Variants in PRDM13 observed in about 807,000 individuals in gnomAD.
The protein encoded by PRDM13 is PR/SET domain 13.
PRDM13 carries 15 observed loss-of-function variants against 36.4 expected under a neutral mutation model. The ratio of observed to expected loss-of-function variants is 0.41; its 90% confidence interval spans 0.28 to 0.64. The LOEUF is 0.64. Among genes scored for constraint, PRDM13 ranks in the 30% least tolerant of loss-of-function variants. The pLI, the probability that PRDM13 is intolerant of heterozygous loss-of-function variation, is 0.29. For synonymous variants in PRDM13, 531 were observed against 467.7 expected, an observed-to-expected ratio of 1.14 and a Z score of -1.75; for missense variants, 1,044 against 1,013.5, an observed-to-expected ratio of 1.03 and a Z score of -0.41.
At position 99,613,766 on chromosome 6, in the gene PRDM13, G is replaced by GCCA. The variant is rs2114500530; in HGVS notation, c.1133_1134insACC (p.Pro378dup). ...CTGGGGACCCGCCGCCGCCGCCGCC[G>GCCA]CCTGGCCTGCCCTGCTCTGGGGCCC... On this transcript the variant is annotated inframe_insertion, in exon 4 of 4. Coordinates refer to ENST00000369215, the MANE Select transcript of PRDM13 (RefSeq NM_021620.4). This position sits in a 1 kb window ranked among gnomAD's most constrained non-coding sequence, Gnocchi z 6.1. 6.7e-7 allele frequency: 1 copy of GCCA among 1,495,396 alleles called. No homozygotes were observed. 92.6% of individuals were successfully genotyped at this position (1,495,396 alleles called of 1,614,324 possible).
intron 3 of PRDM13, among the ~76,000 whole-genome samples, chr6:99,610,652 A>G (rs1770017132): frequency 6.6e-6 from 1 of 152,366 alleles, no homozygotes; most frequent in South Asian, 2.1e-4. Flanking sequence ...ATTATCCTAA[A>G]ATAGTTTGTT....
rs201812060 is a variant in PRDM13 at position 99,614,390 on chromosome 6, G to C, written c.1755G>C (p.Lys585Asn). ...CLYCGKLYSR[K>N]YGLKIHMRTH... ...ACTGTGGCAAGCTGTACTCGCGCAA[G>C]TATGGGCTCAAGATCCACATGCGGA... The change falls in exon 4 of 4, where the codon AAG becomes AAC. Residue 585 changes from lysine (K) to asparagine (N), a missense_variant. By Grantham distance (94) the Lys-to-Asn change is moderately conservative. Around this residue, in one of 3 missense-constraint regions of PRDM13, gnomAD observed 921 missense variants for 865.2 expected, o/e 1.06. Coordinates refer to ENST00000369215, the MANE Select transcript of PRDM13 (RefSeq NM_021620.4). 26 of 1,613,442 alleles carry C rather than the reference G, an allele frequency of 1.6e-5. 1 individual carries two copies. In the East Asian group the frequency reaches 5.8e-4, roughly 36 times the overall value.
In PRDM13 at chr6:99,613,153, A is replaced by C. The variant is rs1770056496; in HGVS notation, c.518A>C (p.His173Pro). Reference sequence around the variant, plus strand: ...GGTGGAGGCGGCGCCTTCCTGCACCACGAACACGCGGCTCGCCAAGGCGCC... The same window carrying C: ...GGTGGAGGCGGCGCCTTCCTGCACCCCGAACACGCGGCTCGCCAAGGCGCC... ...SGGGGGAFLH[H>P]EHAARQGAVP... The change falls in exon 4 of 4, where the codon CAC becomes CCC. Residue 173 changes from histidine (H) to proline (P), a missense_variant. His to Pro is a moderately conservative substitution (Grantham distance 77). This residue lies in a region of PRDM13 where 921 missense variants were observed against 865.2 expected (regional missense o/e 1.06). Coordinates refer to ENST00000369215, the MANE Select transcript of PRDM13 (RefSeq NM_021620.4). The surrounding 1 kb of genome is among the most constrained non-coding windows in gnomAD (Gnocchi z 6.1). The C allele has an allele frequency of 1.2e-6, 2 of 1,613,076 alleles. No homozygotes were observed. The highest frequency in any genetic ancestry group is 2.7e-5 in the African/African-American group (2 of 75,030).
rs1260485489 is a variant in PRDM13 at position 99,613,746 on chromosome 6, G to A, written c.1111G>A (p.Asp371Asn). The change falls in exon 4 of 4, where the codon GAC (aspartate) becomes AAC (asparagine). Residue 371 changes from aspartate (D) to asparagine (N), a missense_variant. Coordinates refer to ENST00000369215, the MANE Select transcript of PRDM13 (RefSeq NM_021620.4). This position sits in a 1 kb window ranked among gnomAD's most constrained non-coding sequence, Gnocchi z 6.1. ...CCATCCCAAGTGCCTGCTCGCTGGG[G>A]ACCCGCCGCCGCCGCCGCCGCCTGG... is the stretch of plus-strand genomic sequence containing the variant. The part of the protein sequence containing the change: ...HHHPKCLLAG[D>N]PPPPPPPGLP... The A allele has an allele frequency of 2.1e-6, 3 of 1,414,854 alleles. No homozygotes were observed. The highest frequency in any genetic ancestry group is 1.9e-6 in the Non-Finnish European group (2 of 1,069,938). The allele number at this position is 1,414,854 out of a possible 1,614,324, so 87.6% of individuals were successfully genotyped here.
rs147359105 is a variant in PRDM13 at position 99,608,911 on chromosome 6, C to T, written c.276+39C>T. 4,342 of 1,590,464 alleles carry T rather than the reference C, an allele frequency of 2.7e-3. 10 individuals carry two copies. Among genetic ancestry groups the T allele is most frequent in the Non-Finnish European group, 3.5e-3 (4,147 of 1,168,302 alleles). On this transcript the variant is annotated intron_variant, in intron 2 of 3. Transcript: ENST00000369215. Reference sequence around the variant, plus strand: ...CTCTCCACACCCCCCCACTCCCCACCGCCAATTCAGTCTACCTAACCGTCC... The same window carrying T: ...CTCTCCACACCCCCCCACTCCCCACTGCCAATTCAGTCTACCTAACCGTCC...
chr6:99,613,867 C>T lies in PRDM13; in HGVS notation c.1232C>T (p.Ala411Val), dbSNP rs1770081623. 19 of 1,511,276 alleles carry T rather than the reference C, an allele frequency of 1.3e-5. No individual in the cohort carries two copies. Among genetic ancestry groups the T allele is most frequent in the Non-Finnish European group, 1.6e-5 (18 of 1,137,036 alleles). The allele number at this position is 1,511,276 out of a possible 1,614,324, so 93.6% of individuals were successfully genotyped here. Residue 411 changes from alanine to valine, a missense_variant, in exon 4 of 4, where the codon GCA becomes GTA. Coordinates refer to ENST00000369215, the MANE Select transcript of PRDM13 (RefSeq NM_021620.4). This position sits in a 1 kb window ranked among gnomAD's most constrained non-coding sequence, Gnocchi z 6.1. ...AAGCACGTGGAGCGCGCCCCGCCCGCAGCCGCCGCGCTGCCAGGAGCGCGT... is the reference window on the plus strand; with the variant it reads ...AAGCACGTGGAGCGCGCCCCGCCCGTAGCCGCCGCGCTGCCAGGAGCGCGT... Reference protein sequence around the residue: ...AFKHVERAPPAAAALPGARYA... With the variant: ...AFKHVERAPPVAAALPGARYA...
At position 99,613,839 on chromosome 6, in the gene PRDM13, T is replaced by C; in HGVS notation, c.1204T>C (p.Phe402Leu). ...CGTCCCCCCGGAAGAGGCGTCCGCCTTCAAGCACGTGGAGCGCGCCCCGCC... is the reference window on the plus strand; with the variant it reads ...CGTCCCCCCGGAAGAGGCGTCCGCCCTCAAGCACGTGGAGCGCGCCCCGCC... ...LSVPPEEASA[F>L]KHVERAPPAA... is the part of the protein sequence containing the mutation. Residue 402 changes from phenylalanine to leucine, a missense_variant, in exon 4 of 4, where the codon TTC (phenylalanine) becomes CTC (leucine). This residue lies in a region of PRDM13 where 921 missense variants were observed against 865.2 expected (regional missense o/e 1.06). Transcript: ENST00000369215. The surrounding 1 kb of genome is among the most constrained non-coding windows in gnomAD (Gnocchi z 6.1). 1 of 1,511,478 alleles carries C rather than the reference T, an allele frequency of 6.6e-7. No individual in the cohort carries two copies. Among genetic ancestry groups the C allele is most frequent in the Non-Finnish European group, 8.8e-7 (1 of 1,136,892 alleles). The allele number at this position is 1,511,478 out of a possible 1,614,324, so 93.6% of individuals were successfully genotyped here. A position where few individuals can be genotyped will look rare whatever the true frequency, so the allele number is the denominator to read the frequency against.
At position 99,606,863 on chromosome 6, in the gene PRDM13, A is replaced by G. The variant is rs894328328; in HGVS notation, c.-172A>G. 1 of 873,392 alleles carries G rather than the reference A, an allele frequency of 1.1e-6. No homozygotes were observed. Among genetic ancestry groups the G allele is most frequent in the Non-Finnish European group, 1.7e-6 (1 of 604,586 alleles). The allele number at this position is 873,392 out of a possible 1,614,324, so 54.1% of individuals were successfully genotyped here. ...GCGCCCTTGCGCTAGCGGTGCCAAA[A>G]GGCTCCCGCCCCGATTGAAAAGGCG... is the stretch of plus-strand genomic sequence containing the variant. On this transcript the variant is annotated 5_prime_UTR_variant, in exon 1 of 4. Coordinates refer to ENST00000369215, the MANE Select transcript of PRDM13 (RefSeq NM_021620.4).
intron 3 of PRDM13, among the ~76,000 whole-genome samples, chr6:99,610,798 C>A (rs765214458): frequency 4.6e-5 from 7 of 152,186 alleles, no homozygotes; most frequent in Non-Finnish European, 1.0e-4. Context: ...TAGAAGCCAG[C>A]CATTTCTACA....
intron 3 of PRDM13, 45 bp downstream of exon 3, chr6:99,609,352 C>T (rs749414787): frequency 5.1e-5 from 81 of 1,602,242 alleles, no homozygotes; most frequent in Middle Eastern, 5.0e-4. Context: ...CAGCCCTCCT[C>T]CTCCTGTCTT....
rs370833791 is a variant in PRDM13, at chr6:99,614,035, G to C, written c.1400G>C (p.Gly467Ala). ...AVMPAFTVYN[G>A]ELLYGSPATT... ...ATGCCGGCCTTTACAGTCTACAACG[G>C]GGAGCTGCTCTACGGCTCACCGGCC... Residue 467 changes from glycine (G) to alanine (A), a missense_variant, in exon 4 of 4, where the codon GGG becomes GCG. Gly to Ala is a moderately conservative substitution (Grantham distance 60). This residue lies in a region of PRDM13 where 921 missense variants were observed against 865.2 expected (regional missense o/e 1.06). Coordinates refer to ENST00000369215, the MANE Select transcript of PRDM13 (RefSeq NM_021620.4). 2.2e-5 allele frequency: 36 copies of C among 1,610,596 alleles called. No individual in the cohort carries two copies. The African/African-American group carries it at 2.9e-4, about 13-fold the overall frequency.
intron 1 of PRDM13, 137 bp from the exon 2 acceptor site, chr6:99,608,604 C>T: frequency 8.6e-7 from 1 of 1,165,580 alleles, no homozygotes; most frequent in Non-Finnish European, 1.2e-6. Flanking sequence ...TTCTCCTCCT[C>T]CCAGTAGCCC....
In PRDM13 at chr6:99,607,147, C is replaced by T. The variant is rs200657499; in HGVS notation, c.113C>T (p.Ser38Leu). 821 of 1,613,804 alleles carry T rather than the reference C, an allele frequency of 5.1e-4. No individual in the cohort carries two copies. The highest frequency in any genetic ancestry group is 7.2e-4 in the Admixed American group (43 of 59,998). ...PGTFKLGKYL[S>L]DRREPGPKKK... ...ACCTTCAAGCTGGGCAAGTACCTGT[C>T]AGACCGCAGGGAGCCCGGGCCTAAG... The change falls in exon 1 of 4, where the codon TCA becomes TTA. Residue 38 changes from serine (S) to leucine (L), a missense_variant. This residue lies in a region of PRDM13 where 921 missense variants were observed against 865.2 expected (regional missense o/e 1.06). Coordinates refer to ENST00000369215, the MANE Select transcript of PRDM13 (RefSeq NM_021620.4).
chr6:99,606,998 G>A lies in PRDM13; in HGVS notation c.-37G>A. ...GTCACTCGCGCCCTTCCAAGGACCT[G>A]GAGCACCCGAGCGCCTGCCTGGTGG... On this transcript the variant is annotated 5_prime_UTR_variant, in exon 1 of 4. It introduces an in-frame stop codon into an upstream open reading frame of the 5' UTR. Transcript: ENST00000369215. 1.3e-6 allele frequency: 2 copies of A among 1,583,770 alleles called. No homozygotes were observed. Among genetic ancestry groups the A allele is most frequent in the African/African-American group, 1.3e-5 (1 of 74,372 alleles).
In PRDM13 at chr6:99,614,117, G is replaced by A. The variant is rs1438440155; in HGVS notation, c.1482G>A (p.Glu494=). ...TCGGCGGGCTGCTGAAGTATCCGGA[G>A]TCCATCTCCTACTTCAGCGGGCCTG... ...LHFGGLLKYP[E]SISYFSGPAA... is the part of the protein sequence containing the mutation. The change falls in exon 4 of 4, where the codon GAG becomes GAA. Residue 494 remains glutamate, a synonymous_variant. Coordinates refer to ENST00000369215, the MANE Select transcript of PRDM13 (RefSeq NM_021620.4). 2.5e-6 allele frequency: 4 copies of A among 1,599,426 alleles called. No individual in the cohort carries two copies. Among genetic ancestry groups the A allele is most frequent in the South Asian group, 2.2e-5 (2 of 90,544 alleles).
In PRDM13 at chr6:99,613,040, G is replaced by A; in HGVS notation, c.405G>A (p.Glu135=). The part of the protein sequence containing the change: ...ATPTHDEKGE[E]RYICWYCWRT... ...CCATTCTTTCTTGCCCAGGGGAGGA[G>A]CGCTACATCTGCTGGTACTGCTGGA... Residue 135 remains glutamate, a synonymous_variant, in exon 4 of 4, where the codon GAG becomes GAA. Coordinates refer to ENST00000369215, the MANE Select transcript of PRDM13 (RefSeq NM_021620.4). This position sits in a 1 kb window ranked among gnomAD's most constrained non-coding sequence, Gnocchi z 6.1. The A allele has an allele frequency of 6.2e-7, 1 of 1,613,598 alleles. No homozygotes were observed. The highest frequency in any genetic ancestry group is 1.1e-5 in the South Asian group (1 of 91,056).
At position 99,614,620 on chromosome 6, in the gene PRDM13, C is replaced by T. The variant is rs1056375834; in HGVS notation, c.1985C>T (p.Ala662Val). The T allele has an allele frequency of 6.2e-7, 1 of 1,612,286 alleles. No homozygotes were observed. Among genetic ancestry groups the T allele is most frequent in the Non-Finnish European group, 8.5e-7 (1 of 1,179,778 alleles). ...CCTGGCCAGAGTCTGCTCGCCAAAG[C>T]GGGCGACGGCCCGGGTGCCGAGCCC... ...RHPGQSLLAK[A>V]GDGPGAEPGY... The change falls in exon 4 of 4, where the codon GCG (alanine) becomes GTG (valine). Residue 662 changes from alanine to valine, a missense_variant. Ala to Val is a moderately conservative substitution (Grantham distance 64, BLOSUM62 0). Transcript: ENST00000369215.
rs201955129 is a variant in PRDM13 at position 99,614,766 on chromosome 6, T to C, written c.*7T>C. The C allele has an allele frequency of 5.1e-5, 80 of 1,559,108 alleles. No homozygotes were observed. Among genetic ancestry groups the C allele is most frequent in the Non-Finnish European group, 6.8e-5 (79 of 1,154,218 alleles). On this transcript the variant is annotated 3_prime_UTR_variant, in exon 4 of 4. Transcript: ENST00000369215. ...CGGGGAGCGCGACTTGTAACGAGTC[T>C]TCCCGGGAAGGGGCGGGGTGAGGAC...
intron 3 of PRDM13, among the ~76,000 whole-genome samples, chr6:99,611,577 C>T (rs1360379624): frequency 6.6e-6 from 1 of 152,180 alleles, no homozygotes; most frequent in African/African-American, 2.4e-5. Context: ...TCTCCTTGGA[C>T]TCAGTTGGAA....
Sources: gnomAD v4.1 joint callset for allele counts (sites outside exome capture counted in the v4.1 genomes callset) on GRCh38, gnomAD v4.1.1 for gene constraint, gnomAD v4.1.1 regional missense constraint, Gnocchi (gnomAD v3.1) non-coding constraint, MANE v1.5 for transcripts, NCBI Gene and HGNC (gene_info 2026-07-23, HGNC 2026-07-21) for gene names.